ANXA4: variants seen among roughly 807,000 people sequenced by gnomAD.
ANXA4 encodes annexin A4, also known as 35-beta calcimedin.
A neutral mutation model predicts 49.8 loss-of-function variants in ANXA4; 39 were observed. That is an observed-to-expected ratio of 0.78 (90% confidence interval 0.61 to 1.02). ANXA4 has a LOEUF of 1.02. Among genes scored for constraint, ANXA4 ranks in the 50% least tolerant of loss-of-function variants. The pLI, the probability that ANXA4 is intolerant of heterozygous loss-of-function variation, is 0.00. For synonymous variants in ANXA4, 134 were observed against 152.5 expected (o/e 0.88, Z 0.89); for missense variants, 360 against 410.1 (o/e 0.88, Z 1.05).
chr2:69,647,388 TTTTA>T (rs199943902), intron 1 of ANXA4, among the ~76,000 whole-genome samples: 13,185 of 145,940 alleles, frequency 0.09, 919 homozygotes, highest in African/African-American at 0.2. Flanking sequence ...TTTATTTTTA[TTTTA>T]TTTATTTATT....
chr2:69,784,680 C>T (rs899064673), intron 2 of ANXA4, among the ~76,000 whole-genome samples: 15 of 152,216 alleles, frequency 9.9e-5, no homozygotes, highest in African/African-American at 3.4e-4. Context: ...TGTATTGCCT[C>T]ACAGTTCTGG....
chr2:69,814,729 G>A (rs1673883658), intron 8 of ANXA4: 1 of 154,758 alleles, frequency 6.5e-6, no homozygotes, highest in South Asian at 2.1e-4. Context: ...GAGAGAGCGA[G>A]AGAGACACAG....
intron 7 of ANXA4, chr2:69,811,396 A>T (rs2103844992): frequency 6.6e-6 from 1 of 152,622 alleles, no homozygotes; most frequent in South Asian, 2.1e-4. Context: ...CTTTCAGAAG[A>T]GTAATGTAAT....
Position 69,804,546 on chromosome 2 carries a change from C to T in ANXA4, c.111C>T (p.Asp37=), listed in dbSNP as rs1359621545. The T allele has an allele frequency of 6.2e-6, 10 of 1,613,712 alleles. No individual in the cohort carries two copies. The Admixed American group carries it at 6.7e-5, about 11-fold the overall frequency. The change falls in exon 4 of 13, where the codon GAC becomes GAT. Residue 37 remains aspartate (D), a synonymous_variant. Coordinates refer to ENST00000394295, the MANE Select transcript of ANXA4 (RefSeq NM_001153.5). ...KAMKGLGTDE[D]AIISVLAYRN... ...TTCTTCCCCCAGGCACCGATGAAGA[C>T]GCCATTATTAGCGTCCTTGCCTACC...
At chr2:69,727,263 A>G (rs1337896712) in intron 3 of ANXA4, among the ~76,000 whole-genome samples, 1 of 152,246 alleles carries the variant, frequency 6.6e-6, no homozygotes, top group Non-Finnish European at 1.5e-5. Context: ...ATGTCTTTTC[A>G]TGAACACTGT....
At chr2:69,684,845 G>C (rs758076399) in intron 2 of ANXA4, among the ~76,000 whole-genome samples, 6 of 152,108 alleles carry the variant, frequency 3.9e-5, no homozygotes, top group Non-Finnish European at 5.9e-5. Flanking sequence ...TATCAGTAAG[G>C]TGAGGAGAAA....
chr2:69,709,601 A>G (rs1678611230), intron 2 of ANXA4, among the ~76,000 whole-genome samples: 1 of 152,194 alleles, frequency 6.6e-6, no homozygotes, highest in Non-Finnish European at 1.5e-5. Flanking sequence ...TTTAGAGTAC[A>G]TACACGGGAA....
intron 2 of ANXA4, among the ~76,000 whole-genome samples, chr2:69,671,580 A>G (rs1447607202): frequency 2.6e-5 from 4 of 152,104 alleles, no homozygotes; most frequent in African/African-American, 9.7e-5. Context: ...CAAATTAACC[A>G]GGTGTAGTGG....
chr2:69,675,797 G>A (rs1411775631), intron 2 of ANXA4, among the ~76,000 whole-genome samples: 1 of 152,078 alleles, frequency 6.6e-6, no homozygotes, highest in African/African-American at 2.4e-5. Context: ...GCCAAGGCGG[G>A]CAGATCACGA....
chr2:69,783,984 G>T (rs558402546), intron 2 of ANXA4, among the ~76,000 whole-genome samples: 269 of 152,150 alleles, frequency 1.8e-3, no homozygotes, highest in African/African-American at 6.2e-3. Context: ...GTATTCCATT[G>T]TATTGTACTC....
chr2:69,721,593 T>TG (rs1316398211), intron 3 of ANXA4, among the ~76,000 whole-genome samples: 3 of 151,862 alleles, frequency 2.0e-5, no homozygotes, highest in Middle Eastern at 3.4e-3. Flanking sequence ...CCCATATACT[T>TG]GGGAGGCTAA....
intron 2 of ANXA4, among the ~76,000 whole-genome samples, chr2:69,696,774 T>A (rs7589674): frequency 6.6e-6 from 1 of 152,220 alleles, no homozygotes; most frequent in African/African-American, 2.4e-5. Context: ...ATCAGAGTTC[T>A]TGGGTGACTA....
At chr2:69,674,997 A>C (rs1427131776) in intron 2 of ANXA4, among the ~76,000 whole-genome samples, 1 of 144,122 alleles carries the variant, frequency 6.9e-6, no homozygotes, top group Non-Finnish European at 1.5e-5. Context: ...ATCTCGGCTC[A>C]CTGCAACCTC....
intron 1 of ANXA4, among the ~76,000 whole-genome samples, chr2:69,757,600 C>G (rs1030383034): frequency 4.7e-5 from 7 of 150,324 alleles, no homozygotes; most frequent in African/African-American, 1.5e-4. Context: ...AAAGATAAAT[C>G]CCAAGAAGTA....
chr2:69,666,300 C>A (rs1314379496), intron 2 of ANXA4, among the ~76,000 whole-genome samples: 3 of 152,200 alleles, frequency 2.0e-5, no homozygotes, highest in Non-Finnish European at 4.4e-5. Context: ...TACTACTTTA[C>A]AGCCATTGGG....
At chr2:69,774,334 C>T (rs1254420380) in intron 1 of ANXA4, among the ~76,000 whole-genome samples, 1 of 122,152 alleles carries the variant, frequency 8.2e-6, no homozygotes, top group African/African-American at 3.1e-5. Context: ...GGAGCCCCCC[C>T]CCCCCCTTTT....
At chr2:69,769,218 G>A (rs1369461996) in intron 1 of ANXA4, among the ~76,000 whole-genome samples, 4 of 152,132 alleles carry the variant, frequency 2.6e-5, no homozygotes, top group East Asian at 1.9e-4. Flanking sequence ...ATACAACAAA[G>A]CAAGGATTAA....
At chr2:69,709,971 C>T (rs1032047239) in intron 2 of ANXA4, among the ~76,000 whole-genome samples, 1 of 149,564 alleles carries the variant, frequency 6.7e-6, no homozygotes, top group Admixed American at 6.6e-5. Context: ...TGGCAGCATG[C>T]ACTTCCAGGC....
intron 3 of ANXA4, among the ~76,000 whole-genome samples, chr2:69,721,141 A>C (rs2105427316): frequency 6.6e-6 from 1 of 152,364 alleles, no homozygotes; most frequent in South Asian, 2.1e-4. Flanking sequence ...CACATGTGGC[A>C]TGGACTCTCC....
Sources: gnomAD v4.1 joint callset for allele counts (sites outside exome capture counted in the v4.1 genomes callset) on GRCh38, gnomAD v4.1.1 for gene constraint, MANE v1.5 for transcripts, NCBI Gene and HGNC (gene_info 2026-07-23, HGNC 2026-07-21) for gene names.